LSP1: variants seen among roughly 807,000 people sequenced by gnomAD.
LSP1 encodes lymphocyte specific protein 1.
LSP1 carries 32 observed loss-of-function variants against 49.3 expected under a neutral mutation model. That is an observed-to-expected ratio of 0.65 (90% confidence interval 0.49 to 0.87). The LOEUF (loss-of-function observed/expected upper bound fraction) is 0.87, where lower values mean the gene tolerates loss of function less well. Among genes scored for constraint, LSP1 ranks in the 40% least tolerant of loss-of-function variants. The pLI, the probability that LSP1 is intolerant of heterozygous loss-of-function variation, is 0.00. For missense variants in LSP1, 428 were observed against 442.6 expected (o/e 0.97, Z 0.30); for synonymous variants, 179 against 178.8 (o/e 1.00, Z -0.01).
At chr11:1,856,739 A>AC (rs1314812901) in intron 1 of LSP1, among the ~76,000 whole-genome samples, 1 of 151,220 alleles carries the variant, frequency 6.6e-6, no homozygotes, top group African/African-American at 2.4e-5. Context: ...ATGGGATGGA[A>AC]CCCCCCAGGC....
chr11:1,855,900 G>A (rs1202110373), intron 1 of LSP1, among the ~76,000 whole-genome samples: 2 of 152,208 alleles, frequency 1.3e-5, no homozygotes, highest in African/African-American at 4.8e-5. Flanking sequence ...GCCTTGAGGC[G>A]ATGAGGACGG....
At chr11:1,890,546 G>A (rs759861895) in intron 10 of LSP1, 78 of 713,400 alleles carry the variant, frequency 1.1e-4, no homozygotes, top group Non-Finnish European at 1.7e-4. Flanking sequence ...GGCTTGGGCC[G>A]CACACCTCGG....
At chr11:1,861,317 T>C (rs931647162) in intron 1 of LSP1, among the ~76,000 whole-genome samples, 1 of 152,264 alleles carries the variant, frequency 6.6e-6, no homozygotes, top group African/African-American at 2.4e-5. Flanking sequence ...CTGACCTTTA[T>C]TTATTTATGT....
At chr11:1,876,508 G>C (rs1286695775) in intron 1 of LSP1, 1 of 985,428 alleles carries the variant, frequency 1.0e-6, no homozygotes, top group African/African-American at 1.7e-5. Flanking sequence ...CCCCAGAGAG[G>C]ACGGACCCTC....
At position 1,886,784 on chromosome 11, in the gene LSP1, G is replaced by A; in HGVS notation, c.770G>A (p.Ser257Asn). Residue 257 changes from serine to asparagine, a missense_variant, in exon 8 of 11, where the codon AGC (serine) becomes AAC (asparagine). Ser to Asn is a conservative substitution (Grantham distance 46). Transcript: ENST00000311604. ...CGCCAGGCCTCCATAGAGCTGCCCA[G>A]CATGGCTGTGGCCAGTACCAAGAGT... ...LARQASIELP[S>N]MAVASTKSRW... 4 of 1,611,906 alleles carry A rather than the reference G, an allele frequency of 2.5e-6. No individual in the cohort carries two copies. The highest frequency in any genetic ancestry group is 3.4e-6 in the Non-Finnish European group (4 of 1,179,768).
chr11:1,877,489 G>T (rs1848360662), intron 1 of LSP1, among the ~76,000 whole-genome samples: 1 of 152,158 alleles, frequency 6.6e-6, no homozygotes, highest in African/African-American at 2.4e-5. Flanking sequence ...GATCCTCCAG[G>T]GGCCCAGCTC....
At chr11:1,890,426 G>T in intron 10 of LSP1, 1 of 717,262 alleles carries the variant, frequency 1.4e-6, no homozygotes, top group South Asian at 1.5e-5. Flanking sequence ...CGAGGTGTGT[G>T]CCTCCCATCA....
chr11:1,859,919 C>T (rs991557036), intron 1 of LSP1, among the ~76,000 whole-genome samples: 8 of 152,200 alleles, frequency 5.3e-5, no homozygotes, highest in Non-Finnish European at 1.2e-4. Context: ...CCTGACCTCC[C>T]CTGTCCCCAT....
At chr11:1,870,908 G>T in intron 1 of LSP1, 1 of 985,914 alleles carries the variant, frequency 1.0e-6, no homozygotes, top group Non-Finnish European at 1.2e-6. Context: ...GCTGGCCCAG[G>T]CGCCGCAGCG....
chr11:1,853,406 G>T (rs1232370216), intron 1 of LSP1, among the ~76,000 whole-genome samples: 6 of 152,180 alleles, frequency 3.9e-5, no homozygotes, highest in Non-Finnish European at 8.8e-5. Flanking sequence ...AAGGGTGGAG[G>T]TCTCTTCCGC....
At chr11:1,885,701 C>T (rs1848724385) in intron 7 of LSP1, among the ~76,000 whole-genome samples, 2 of 151,818 alleles carry the variant, frequency 1.3e-5, no homozygotes, top group African/African-American at 2.4e-5. Context: ...CAGTGCCCCT[C>T]CATCCACCCA....
chr11:1,887,564 G>A lies in LSP1; in HGVS notation c.*1G>A, dbSNP rs760159786. On this transcript the variant is annotated 3_prime_UTR_variant, in exon 10 of 11. Coordinates refer to ENST00000311604, the MANE Select transcript of LSP1 (RefSeq NM_002339.3). ...TGTGGAAGGGGGCCCGGCTCCCTAG[G>A]CGTCCCATCTCGGTGAGTCCCTGGC... 6.2e-7 allele frequency: 1 copy of A among 1,613,480 alleles called. No homozygotes were observed. The highest frequency in any genetic ancestry group is 1.7e-5 in the Admixed American group (1 of 59,990).
intron 1 of LSP1, 69 bp from the exon 2 acceptor site, chr11:1,880,018 G>A (rs769803943): frequency 3.2e-5 from 50 of 1,576,974 alleles, no homozygotes; most frequent in Middle Eastern, 3.4e-4. Flanking sequence ...CTGTGTAGAT[G>A]GGAGGAATGG....
At chr11:1,886,476 A>G (rs1848753846) in intron 7 of LSP1, among the ~76,000 whole-genome samples, 2 of 152,200 alleles carry the variant, frequency 1.3e-5, no homozygotes, top group South Asian at 4.1e-4. Context: ...CTACCCCATG[A>G]GGAGCATGGA....
chr11:1,883,315 T>C, intron 3 of LSP1, 104 bp from the exon 4 acceptor site: 1 of 1,426,472 alleles, frequency 7.0e-7, no homozygotes, highest in East Asian at 2.3e-5. Context: ...GTAGCCTGAC[T>C]ACCTTCATTT....
chr11:1,890,751 C>T (rs575849434), intron 10 of LSP1: 8 of 600,382 alleles, frequency 1.3e-5, no homozygotes, highest in East Asian at 2.8e-5. Flanking sequence ...ATGCTGAGCT[C>T]GACTGTGCCT....
intron 1 of LSP1, among the ~76,000 whole-genome samples, chr11:1,875,060 C>T (rs530180651): frequency 3.9e-5 from 6 of 152,190 alleles, no homozygotes; most frequent in African/African-American, 1.4e-4. Flanking sequence ...CTGGGCTGAC[C>T]CTGGGTCCCA....
chr11:1,884,008 T>TA lies in LSP1; in HGVS notation c.575_576insA (p.Ser193GlufsTer21), dbSNP rs755061467. The TA allele has an allele frequency of 6.2e-7, 1 of 1,611,970 alleles. No individual in the cohort carries two copies. Among genetic ancestry groups the TA allele is most frequent in the African/African-American group, 1.3e-5 (1 of 74,882 alleles). ...ACCATCGAACAGAGCTCGCCTCCCC[T>TA]GAGCCCTACCACCAAAGTAAGTTAA... On this transcript the variant is annotated frameshift_variant, in exon 5 of 11. Coordinates refer to ENST00000311604, the MANE Select transcript of LSP1 (RefSeq NM_002339.3). LOFTEE classifies it high-confidence loss of function. The surrounding 1 kb of genome is among the most constrained non-coding windows in gnomAD (Gnocchi z 4.1).
chr11:1,884,280 CTCA>C lies in LSP1; in HGVS notation c.595_597del (p.Ile199del), dbSNP rs748038862. On this transcript the variant is annotated inframe_deletion and splice_region_variant, in exon 6 of 11. Coordinates refer to ENST00000311604, the MANE Select transcript of LSP1 (RefSeq NM_002339.3). This position sits in a 1 kb window ranked among gnomAD's most constrained non-coding sequence, Gnocchi z 4.1. ...CTGTGTCTCTCTCCACCCTCTGCAGCTCATCGACAGGACCGAGTCCCTAAACCG... is the reference window on the plus strand; with the variant it reads ...CTGTGTCTCTCTCCACCCTCTGCAGCTCGACAGGACCGAGTCCCTAAACCG... 1 of 1,614,110 alleles carries C rather than the reference CTCA, an allele frequency of 6.2e-7. No individual in the cohort carries two copies. Among genetic ancestry groups the C allele is most frequent in the South Asian group, 1.1e-5 (1 of 91,076 alleles).
Sources: allele counts gnomAD v4.1 joint callset (sites outside exome capture counted in the v4.1 genomes callset), GRCh38; gene constraint gnomAD v4.1.1; non-coding constraint Gnocchi (gnomAD v3.1); transcripts MANE v1.5; gene names NCBI Gene and HGNC (gene_info 2026-07-23, HGNC 2026-07-21).